DYNC1LI1: variants seen among roughly 807,000 people sequenced by gnomAD.
DYNC1LI1 encodes the protein cytoplasmic dynein 1 light intermediate chain 1.
DYNC1LI1 carries 19 observed loss-of-function variants against 63.8 expected under a neutral mutation model. The observed-to-expected ratio is 0.30, with a 90% CI of 0.21 to 0.44. The LOEUF (loss-of-function observed/expected upper bound fraction) is 0.44. DYNC1LI1 is among the 20% of genes least tolerant of loss of function. The pLI is 1.00. For synonymous variants in DYNC1LI1, 225 were observed against 232.3 expected (o/e 0.97, Z 0.28); for missense variants, 565 against 630.2 (o/e 0.90, Z 1.11).
chr3:32,560,215 A>T (rs1575159409), intron 2 of DYNC1LI1, among the ~76,000 whole-genome samples: 1 of 152,096 alleles, frequency 6.6e-6, no homozygotes, highest in East Asian at 1.9e-4. Context: ...CAGGCGGATC[A>T]ACTGAGGTCA....
At chr3:32,553,622 T>C (rs1279622421) in intron 2 of DYNC1LI1, among the ~76,000 whole-genome samples, 1 of 152,208 alleles carries the variant, frequency 6.6e-6, no homozygotes, top group Non-Finnish European at 1.5e-5. Flanking sequence ...ATGGAGCCAC[T>C]AGTGGTTCCC....
Position 32,558,675 on chromosome 3 carries a change from G to A in DYNC1LI1, c.220+11671C>T, listed in dbSNP as rs368818095. Among the ~76,000 whole-genome samples, 99 of 151,968 alleles carry A rather than the reference G, an allele frequency of 6.5e-4. 4 individuals carry two copies. In the South Asian group the frequency reaches 0.02, roughly 31 times the overall value. On this transcript the variant is annotated intron_variant, in intron 2 of 12. Transcript: ENST00000273130. ...AGCCTGACCAACATGGAGAAATCCC[G>A]TCTCTACTAAAAATACAAAATTAGC...
rs534716709 is a variant in DYNC1LI1 at position 32,561,639 on chromosome 3, A to G, written c.220+8707T>C. On this transcript the variant is annotated intron_variant, in intron 2 of 12. Transcript: ENST00000273130. ...GCGAGACTTCATCTCAAAAAAAAAA[A>G]AAGTAAAATAGTATAACTTTCCTAG... is the stretch of plus-strand genomic sequence containing the variant. 2.0e-5 allele frequency among the ~76,000 whole-genome samples: 3 copies of G among 152,234 alleles called. No individual in the cohort carries two copies. The East Asian group carries it at 5.8e-4, about 29-fold the overall frequency.
At chr3:32,529,505 T>C (rs1697666950) in intron 11 of DYNC1LI1, 35 bp downstream of exon 11, 3 of 1,560,970 alleles carry the variant, frequency 1.9e-6, no homozygotes, top group Non-Finnish European at 2.6e-6. Context: ...TCTTGTAAAA[T>C]GTATTGTCTT....
chr3:32,533,001 T>C lies in DYNC1LI1; in HGVS notation c.1065A>G (p.Lys355=). ...AAATGGTTACCTTTCGAACAGGTGG[T>C]TTAGTTATGATGTCTTCAAAATTAT... ...AEDNFEDIIT[K]PPVRKFVHEK... is the part of the protein sequence containing the mutation. Residue 355 remains lysine (K), a synonymous_variant, in exon 8 of 13, where the codon AAA becomes AAG. Coordinates refer to ENST00000273130, the MANE Select transcript of DYNC1LI1 (RefSeq NM_016141.4). The C allele has an allele frequency of 6.3e-7, 1 of 1,584,102 alleles. No homozygotes were observed. The highest frequency in any genetic ancestry group is 8.5e-7 in the Non-Finnish European group (1 of 1,171,026).
In DYNC1LI1 at chr3:32,528,471, A is replaced by G; in HGVS notation, c.1437T>C (p.Gly479=). Residue 479 remains glycine, a synonymous_variant, in exon 12 of 13, where the codon GGT becomes GGC. Coordinates refer to ENST00000273130, the MANE Select transcript of DYNC1LI1 (RefSeq NM_016141.4). The part of the protein sequence containing the change: ...PAGGAGGGSS[G]LPPSTKKSGQ... ...CTGACTTTTTGGTGGATGGTGGTAAACCACTGCTTCCACCTCCAGCCCCAC... is the reference window on the plus strand; with the variant it reads ...CTGACTTTTTGGTGGATGGTGGTAAGCCACTGCTTCCACCTCCAGCCCCAC... 6.2e-7 allele frequency: 1 copy of G among 1,614,142 alleles called. No individual in the cohort carries two copies. The highest frequency in any genetic ancestry group is 8.5e-7 in the Non-Finnish European group (1 of 1,180,016).
intron 6 of DYNC1LI1, among the ~76,000 whole-genome samples, chr3:32,536,768 A>G (rs1329259691): frequency 6.6e-6 from 1 of 152,168 alleles, no homozygotes; most frequent in Admixed American, 6.5e-5. Context: ...TACAATTGGT[A>G]ATTATTTTTC....
intron 2 of DYNC1LI1, among the ~76,000 whole-genome samples, chr3:32,547,517 C>A (rs1291023116): frequency 6.6e-6 from 1 of 152,106 alleles, no homozygotes; most frequent in Non-Finnish European, 1.5e-5. Flanking sequence ...AATGCTGCCA[C>A]AAGATTGCAG....
intron 4 of DYNC1LI1, among the ~76,000 whole-genome samples, chr3:32,542,934 G>A (rs895452708): frequency 2.0e-5 from 3 of 152,158 alleles, no homozygotes; most frequent in Admixed American, 6.5e-5. Context: ...AGCAGCCCTG[G>A]TGACTACCAC....
intron 2 of DYNC1LI1, among the ~76,000 whole-genome samples, chr3:32,564,672 ATGC>A (rs1375492767): frequency 2.0e-5 from 3 of 152,216 alleles, no homozygotes; most frequent in Non-Finnish European, 4.4e-5. Context: ...AAATAATTTC[ATGC>A]TAATTCTTTG....
chr3:32,542,890 T>C (rs1474753775), intron 4 of DYNC1LI1, among the ~76,000 whole-genome samples: 1 of 152,194 alleles, frequency 6.6e-6, no homozygotes, highest in Non-Finnish European at 1.5e-5. Context: ...TGGGCACCGT[T>C]CCTCTAGAAA....
Position 32,545,975 on chromosome 3 carries a change from T to TA in DYNC1LI1, c.221-11dup, listed in dbSNP as rs771254486. On this transcript the variant is annotated splice_polypyrimidine_tract_variant and intron_variant, in intron 2 of 12. Transcript: ENST00000273130. ...CCAGCTCCATCTTCACCTAGATATG[T>TA]AAAAAAAGGATAAATCTTATAAATT... 187 of 1,508,652 alleles carry TA rather than the reference T, an allele frequency of 1.2e-4. No individual in the cohort carries two copies. In the African/African-American group the frequency reaches 1.6e-3, roughly 13 times the overall value. 93.5% of individuals were successfully genotyped at this position (1,508,652 alleles called of 1,614,324 possible).
intron 2 of DYNC1LI1, among the ~76,000 whole-genome samples, chr3:32,564,147 A>C (rs1698228550): frequency 6.6e-6 from 1 of 152,180 alleles, no homozygotes; most frequent in South Asian, 2.1e-4. Context: ...GAAAAATATA[A>C]CAAATTTTTA....
At chr3:32,528,750 G>T in intron 11 of DYNC1LI1, 149 bp from the exon 12 acceptor site, 1 of 683,202 alleles carries the variant, frequency 1.5e-6, no homozygotes, top group Non-Finnish European at 2.3e-6. Context: ...ATCTTTTGAT[G>T]CTGAGTAATT....
In DYNC1LI1 at chr3:32,538,034, AATATATATATATAATT is replaced by A. The variant is rs1423550347; in HGVS notation, c.739-946_739-931del. On this transcript the variant is annotated intron_variant, in intron 5 of 12. Transcript: ENST00000273130. ...ATATATATATATAATTTATATATAT[AATATATATATATAATT>A]ATATATATATAATTTATTATATATA... 3.1e-3 allele frequency among the ~76,000 whole-genome samples: 31 copies of A among 10,092 alleles called. 2 individuals are homozygous for A. Among genetic ancestry groups the A allele is most frequent in the Middle Eastern group, 0.033 (1 of 30 alleles). 6.6% of individuals were successfully genotyped at this position (10,092 alleles called of 152,430 possible). A position where few individuals can be genotyped will look rare whatever the true frequency, so the allele number is the denominator to read the frequency against.
chr3:32,530,352 T>C, intron 9 of DYNC1LI1, 24 bp from the exon 10 acceptor site: 10 of 1,444,112 alleles, frequency 6.9e-6, no homozygotes, highest in Admixed American at 5.9e-5. Flanking sequence ...AAAAAAAGAA[T>C]CCTAGTTTAG....
chr3:32,551,010 A>C (rs1360601350), intron 2 of DYNC1LI1, among the ~76,000 whole-genome samples: 1 of 152,116 alleles, frequency 6.6e-6, no homozygotes, highest in Non-Finnish European at 1.5e-5. Flanking sequence ...ATTAAAAAAA[A>C]AAAAAAGAAA....
intron 2 of DYNC1LI1, among the ~76,000 whole-genome samples, chr3:32,558,749 G>A (rs1427014649): frequency 4.6e-5 from 7 of 151,970 alleles, no homozygotes; most frequent in Admixed American, 4.6e-4. Context: ...GGAAGGCTGA[G>A]GCAGGAGAAT....
intron 8 of DYNC1LI1, chr3:32,530,771 C>G (rs4955297): frequency 1.2e-5 from 5 of 421,852 alleles, no homozygotes; most frequent in South Asian, 9.0e-5. Flanking sequence ...CCAGTGGCTA[C>G]TGAGCACTTG....
Sources: allele counts gnomAD v4.1 joint callset (sites outside exome capture counted in the v4.1 genomes callset), GRCh38; gene constraint gnomAD v4.1.1; transcripts MANE v1.5; gene names NCBI Gene and HGNC (gene_info 2026-07-23, HGNC 2026-07-21).